The following JRK variants were observed in gnomAD, a reference collection of about 807,000 sequenced individuals.
JRK encodes the protein jerky protein homolog.
For missense variants in JRK, 720 were observed against 509.2 expected (o/e 1.41, Z -3.98); for synonymous variants, 303 against 218.1 (o/e 1.39, Z -3.43).
Position 142,664,477 on chromosome 8 carries a change from C to T in JRK, c.1582G>A (p.Val528Met), listed in dbSNP as rs782257326. 10 of 1,611,328 alleles carry T rather than the reference C, an allele frequency of 6.2e-6. No individual in the cohort carries two copies. Among genetic ancestry groups the T allele is most frequent in the East Asian group, 2.2e-5 (1 of 44,774 alleles). ...CCGAGGGCACCACGCCGCCTCCTCA[C>T]CTGCTGCTGGCTCCGGAACACGGCA... ...LRAVFRSQQQ[V>M]RRRRGALGAV... The change falls in exon 2 of 2, where the codon GTG (valine) becomes ATG (methionine). Residue 528 changes from valine (V) to methionine (M), a missense_variant. By Grantham distance (21) the Val-to-Met change is conservative. Coordinates refer to ENST00000612905, the MANE Select transcript of JRK (RefSeq NM_003724.4).
chr8:142,659,118 G>T lies in JRK; in HGVS notation c.*5234C>A. 7.3e-7 allele frequency: 1 copy of T among 1,360,820 alleles called. No homozygotes were observed. The highest frequency in any genetic ancestry group is 9.5e-7 in the Non-Finnish European group (1 of 1,055,206). The allele number at this position is 1,360,820 out of a possible 1,614,324, so 84.3% of individuals were successfully genotyped here. A position where few individuals can be genotyped will look rare whatever the true frequency, so the allele number is the denominator to read the frequency against. ...GGTACAATGAAATAGAAAAAAGGCT[G>T]GCCAGGTGCCAAGTCCCAGCTCAAG... On this transcript the variant is annotated 3_prime_UTR_variant, in exon 2 of 2. Coordinates refer to ENST00000612905, the MANE Select transcript of JRK (RefSeq NM_003724.4).
In JRK at chr8:142,665,845, T is replaced by TG; in HGVS notation, c.213dup (p.Asn72GlnfsTer56). 1.3e-6 allele frequency: 1 copy of TG among 779,810 alleles called. No homozygotes were observed. Among genetic ancestry groups the TG allele is most frequent in the South Asian group, 1.3e-5 (1 of 74,356 alleles). The allele number at this position is 779,810 out of a possible 1,614,324, so 48.3% of individuals were successfully genotyped here. On this transcript the variant is annotated frameshift_variant, in exon 2 of 2. Coordinates refer to ENST00000612905, the MANE Select transcript of JRK (RefSeq NM_003724.4). LOFTEE classifies it low-confidence loss of function (END_TRUNC). ...GTGCGCCGCTGCTCCAGCGCCTTGT[T>TG]GGAGTCGGAGCTGGCGAAGAACCGG...
At chr8:142,655,011 C>T (rs1271167759), downstream of JRK, among the ~76,000 whole-genome samples, 2 of 152,196 alleles carry the variant, frequency 1.3e-5, no homozygotes, top group Admixed American at 6.5e-5. Context: ...CTCCCCTGCT[C>T]AGCCTCCTAT....
chr8:142,664,922 C>T lies in JRK; in HGVS notation c.1137G>A (p.Arg379=). ...AWNAVPSHVF[R]RAWRKLWPSV... ...ACGGCCACAGCTTCCTCCAGGCCCG[C>T]CTGAAGACGTGGCTAGGGACTGCGT... is the stretch of plus-strand genomic sequence containing the variant. The change falls in exon 2 of 2, where the codon AGG becomes AGA. Residue 379 remains arginine (R), a synonymous_variant. Coordinates refer to ENST00000612905, the MANE Select transcript of JRK (RefSeq NM_003724.4). 1 of 939,022 alleles carries T rather than the reference C, an allele frequency of 1.1e-6. No individual in the cohort carries two copies. The highest frequency in any genetic ancestry group is 1.8e-6 in the Non-Finnish European group (1 of 569,288). 58.2% of individuals were successfully genotyped at this position (939,022 alleles called of 1,614,324 possible). A position where few individuals can be genotyped will look rare whatever the true frequency, so the allele number is the denominator to read the frequency against.
Position 142,663,538 on chromosome 8 carries a change from T to C in JRK, c.*814A>G, listed in dbSNP as rs782608575. On this transcript the variant is annotated 3_prime_UTR_variant, in exon 2 of 2. Transcript: ENST00000612905. ...CATAAGTATGAAATTCTGGGCAACA[T>C]GGTACATTGGACTCTGAGCCAAAAT... is the stretch of plus-strand genomic sequence containing the variant. 107 of 985,490 alleles carry C rather than the reference T, an allele frequency of 1.1e-4. 2 individuals are homozygous for C. Among genetic ancestry groups the C allele is most frequent in the Middle Eastern group, 1.0e-3 (2 of 1,914 alleles). 61.0% of individuals were successfully genotyped at this position (985,490 alleles called of 1,614,324 possible).
Position 142,658,151 on chromosome 8 carries a change from GTTAGGGGCAA to G in JRK, c.*6191_*6200del, listed in dbSNP as rs1290987027. The stretch of plus-strand genomic sequence containing the variant: ...CCTGGCCCATGACTGGCACTGAGGA[GTTAGGGGCAA>G]TGGCAGAACTGCCTGGACCTGAAGC... On this transcript the variant is annotated 3_prime_UTR_variant, in exon 2 of 2. Transcript: ENST00000612905. 1.3e-5 allele frequency: 2 copies of G among 152,316 alleles called. No individual in the cohort carries two copies. Among genetic ancestry groups the G allele is most frequent in the Non-Finnish European group, 2.9e-5 (2 of 68,092 alleles). 9.4% of individuals were successfully genotyped at this position (152,316 alleles called of 1,614,324 possible). A position where few individuals can be genotyped will look rare whatever the true frequency, so the allele number is the denominator to read the frequency against.
At chr8:142,667,788 C>A (rs1554636480) in intron 1 of JRK, among the ~76,000 whole-genome samples, 1 of 152,210 alleles carries the variant, frequency 6.6e-6, no homozygotes, top group African/African-American at 2.4e-5. Context: ...ACTTCTCACC[C>A]TTCTCCTATA....
the JRK span, among the ~76,000 whole-genome samples, chr8:142,649,761 A>G: frequency 3.9e-5 from 6 of 152,182 alleles, no homozygotes; most frequent in African/African-American, 1.4e-4. Flanking sequence ...CAGGGGCAGG[A>G]CCCTCATGGA....
At chr8:142,668,430 C>T (rs142036626) in intron 1 of JRK, among the ~76,000 whole-genome samples, 66 of 152,256 alleles carry the variant, frequency 4.3e-4, no homozygotes, top group Non-Finnish European at 7.4e-4. Context: ...GACGGTGTGA[C>T]GTGTGTGCGG....
rs1163420159 is a variant in JRK, at chr8:142,661,717, G to A, written c.*2635C>T. On this transcript the variant is annotated 3_prime_UTR_variant, in exon 2 of 2. Coordinates refer to ENST00000612905, the MANE Select transcript of JRK (RefSeq NM_003724.4). ...GGGCCTCAGCAGCCCCAGAAACAGA[G>A]TGAAGAGACACAGCCTCACAGAGCT... 7.4e-5 allele frequency: 73 copies of A among 985,418 alleles called. No individual in the cohort carries two copies. The highest frequency in any genetic ancestry group is 8.8e-5 in the Non-Finnish European group (73 of 830,012). The allele number at this position is 985,418 out of a possible 1,614,324, so 61.0% of individuals were successfully genotyped here.
chr8:142,665,284 T>TCCA lies in JRK; in HGVS notation c.774_775insTGG (p.Gly258_Asn259insTrp). On this transcript the variant is annotated inframe_insertion, in exon 2 of 2. Transcript: ENST00000612905. ...AAAATCTCCTTGTCCACCCAGGCGT[T>TCCA]CCCCTGGGCCTTATAGGCGACGGGC... 1.4e-6 allele frequency: 1 copy of TCCA among 717,842 alleles called. No individual in the cohort carries two copies. Among genetic ancestry groups the TCCA allele is most frequent in the Non-Finnish European group, 2.6e-6 (1 of 385,100 alleles). The allele number at this position is 717,842 out of a possible 1,614,324, so 44.5% of individuals were successfully genotyped here. A position where few individuals can be genotyped will look rare whatever the true frequency, so the allele number is the denominator to read the frequency against.
chr8:142,647,580 G>A, the JRK span, among the ~76,000 whole-genome samples: 2 of 152,162 alleles, frequency 1.3e-5, no homozygotes, highest in African/African-American at 4.8e-5. Flanking sequence ...TGCCATCCAT[G>A]TCACACATGA....
chr8:142,647,113 T>C, the JRK span, among the ~76,000 whole-genome samples: 2 of 152,126 alleles, frequency 1.3e-5, no homozygotes, highest in African/African-American at 4.8e-5. Flanking sequence ...TATCATATGA[T>C]TGTGTAAGGA....
Position 142,663,933 on chromosome 8 carries a change from T to C in JRK, c.*419A>G. ...TGAGACGAAGCCTGTCCAGGGGCGG[T>C]GGGCATGGCCTCCTGTCGGCCTGGA... On this transcript the variant is annotated 3_prime_UTR_variant, in exon 2 of 2. Coordinates refer to ENST00000612905, the MANE Select transcript of JRK (RefSeq NM_003724.4). 2 of 1,001,302 alleles carry C rather than the reference T, an allele frequency of 2.0e-6. No individual in the cohort carries two copies. Among genetic ancestry groups the C allele is most frequent in the Non-Finnish European group, 2.4e-6 (2 of 840,988 alleles). The allele number at this position is 1,001,302 out of a possible 1,614,324, so 62.0% of individuals were successfully genotyped here.
At position 142,665,368 on chromosome 8, in the gene JRK, T is replaced by TGAGCCTGTGG. The variant is rs1197552080; in HGVS notation, c.681_690dup (p.Lys231ProfsTer28). On this transcript the variant is annotated frameshift_variant, in exon 2 of 2. Coordinates refer to ENST00000612905, the MANE Select transcript of JRK (RefSeq NM_003724.4). LOFTEE classifies it low-confidence loss of function (END_TRUNC). ...CTGCACTTCCCGATGGCCAAGGGCTTGAGCCTGTGGGAGCCCGTGGCGTTG... is the reference window on the plus strand; with the variant it reads ...CTGCACTTCCCGATGGCCAAGGGCTTGAGCCTGTGGGAGCCTGTGGGAGCCCGTGGCGTTG... 17 of 717,524 alleles carry TGAGCCTGTGG rather than the reference T, an allele frequency of 2.4e-5. No individual in the cohort carries two copies. Among genetic ancestry groups the TGAGCCTGTGG allele is most frequent in the African/African-American group, 1.4e-4 (8 of 57,286 alleles). The allele number at this position is 717,524 out of a possible 1,614,324, so 44.4% of individuals were successfully genotyped here. A position where few individuals can be genotyped will look rare whatever the true frequency, so the allele number is the denominator to read the frequency against.
At chr8:142,667,518 A>T (rs1554636436) in intron 1 of JRK, among the ~76,000 whole-genome samples, 1 of 152,164 alleles carries the variant, frequency 6.6e-6, no homozygotes. Flanking sequence ...GGACACAGGA[A>T]CAAGCTAGCC....
chr8:142,665,816 C>T lies in JRK; in HGVS notation c.243G>A (p.Leu81=), dbSNP rs1554635897. 2 of 778,976 alleles carry T rather than the reference C, an allele frequency of 2.6e-6. No individual in the cohort carries two copies. Among genetic ancestry groups the T allele is most frequent in the Admixed American group, 3.4e-5 (2 of 58,850 alleles). 48.3% of individuals were successfully genotyped at this position (778,976 alleles called of 1,614,324 possible). Residue 81 remains leucine (L), a synonymous_variant, in exon 2 of 2, where the codon CTG becomes CTA. Transcript: ENST00000612905. The part of the protein sequence containing the change: ...SNKALEQRRT[L]HTPKLEHLDR... ...CCAGGTGCTCCAGCTTGGGCGTGTG[C>T]AGCGTGCGCCGCTGCTCCAGCGCCT...
rs587694912 is a variant in JRK, at chr8:142,658,747, G to A, written c.*5605C>T. On this transcript the variant is annotated 3_prime_UTR_variant, in exon 2 of 2. Coordinates refer to ENST00000612905, the MANE Select transcript of JRK (RefSeq NM_003724.4). ...CAAACATGCAGTCCTTAACACCATCGTCATGGAGATGGAGGCCACAGACCT... is the reference window on the plus strand; with the variant it reads ...CAAACATGCAGTCCTTAACACCATCATCATGGAGATGGAGGCCACAGACCT... 3.5e-5 allele frequency: 52 copies of A among 1,498,244 alleles called. No homozygotes were observed. Among genetic ancestry groups the A allele is most frequent in the Admixed American group, 8.5e-5 (4 of 46,938 alleles). 92.8% of individuals were successfully genotyped at this position (1,498,244 alleles called of 1,614,324 possible). A position where few individuals can be genotyped will look rare whatever the true frequency, so the allele number is the denominator to read the frequency against.
chr8:142,664,825 T>C lies in JRK; in HGVS notation c.1234A>G (p.Asn412Asp). 6.3e-7 allele frequency: 1 copy of C among 1,597,254 alleles called. No homozygotes were observed. The highest frequency in any genetic ancestry group is 8.5e-7 in the Non-Finnish European group (1 of 1,170,088). ...EAECFPVKPH[N>D]KSFAHILELV... ...TCCAGGATGTGTGCAAAGGACTTGTTGTGGGGCTTCACTGGGAAGCACTCT... is the reference window on the plus strand; with the variant it reads ...TCCAGGATGTGTGCAAAGGACTTGTCGTGGGGCTTCACTGGGAAGCACTCT... Residue 412 changes from asparagine to aspartate, a missense_variant, in exon 2 of 2, where the codon AAC becomes GAC. By Grantham distance (23) the Asn-to-Asp change is conservative. Coordinates refer to ENST00000612905, the MANE Select transcript of JRK (RefSeq NM_003724.4).
Sources: gnomAD v4.1 joint callset for allele counts (sites outside exome capture counted in the v4.1 genomes callset) on GRCh38, gnomAD v4.1.1 for gene constraint, MANE v1.5 for transcripts, NCBI Gene and HGNC (gene_info 2026-07-23, HGNC 2026-07-21) for gene names.